PARVA: variants seen among roughly 807,000 people sequenced by gnomAD.
The protein encoded by PARVA is parvin alpha.
Under a neutral mutation model 52.6 loss-of-function variants are expected in PARVA, and 25 were observed. The ratio of observed to expected loss-of-function variants is 0.48; its 90% confidence interval spans 0.35 to 0.66. PARVA has a LOEUF of 0.66. PARVA is among the 30% of genes least tolerant of loss of function. The pLI, the probability that PARVA is intolerant of heterozygous loss-of-function variation, is 0.01. For missense variants in PARVA, 373 were observed against 450.9 expected (o/e 0.83, Z 1.56); for synonymous variants, 185 against 179.1 (o/e 1.03, Z -0.26).
At chr11:12,404,104 CTT>C (rs34339812) in intron 1 of PARVA, among the ~76,000 whole-genome samples, 85 of 148,536 alleles carry the variant, frequency 5.7e-4, no homozygotes, top group Admixed American at 6.7e-4. Context: ...TAATATAGCT[CTT>C]TTTTTTTTTT....
chr11:12,429,617 C>G (rs571821013), intron 1 of PARVA, among the ~76,000 whole-genome samples: 2 of 152,116 alleles, frequency 1.3e-5, no homozygotes, highest in Non-Finnish European at 2.9e-5. Context: ...TGATTTGATG[C>G]GTGGAATTTC....
chr11:12,507,695 G>A (rs1294251440), intron 6 of PARVA, among the ~76,000 whole-genome samples: 1 of 152,096 alleles, frequency 6.6e-6, no homozygotes, highest in African/African-American at 2.4e-5. Context: ...TTCTGCCGAG[G>A]GTGACCACGT....
intron 12 of PARVA, among the ~76,000 whole-genome samples, chr11:12,524,373 G>A (rs1021896974): frequency 6.6e-6 from 1 of 152,170 alleles, no homozygotes; most frequent in South Asian, 2.1e-4. Context: ...ACATAAAAAT[G>A]TCACTTAGTA....
At chr11:12,385,506 A>G (rs979392707) in intron 1 of PARVA, among the ~76,000 whole-genome samples, 6 of 152,210 alleles carry the variant, frequency 3.9e-5, no homozygotes, top group South Asian at 2.1e-4. Context: ...GATGACCCCA[A>G]AGGTTTTGGT....
chr11:12,391,584 G>T (rs1025549528), intron 1 of PARVA, among the ~76,000 whole-genome samples: 17 of 152,186 alleles, frequency 1.1e-4, no homozygotes, highest in Non-Finnish European at 1.9e-4. Flanking sequence ...CAGTTTTCAC[G>T]TGAGTGTGGA....
intron 6 of PARVA, among the ~76,000 whole-genome samples, chr11:12,507,962 G>A (rs1589984829): frequency 6.6e-6 from 1 of 151,300 alleles, no homozygotes; most frequent in East Asian, 2.0e-4. Context: ...GATGGGAGAA[G>A]TGTGGACAGA....
rs137863806 is a variant in PARVA at position 12,476,819 on chromosome 11, A to C, written c.298-1028A>C. On this transcript the variant is annotated intron_variant, in intron 3 of 12. Coordinates refer to ENST00000334956, the MANE Select transcript of PARVA (RefSeq NM_018222.5). ...AGCCTCCAGACTCCAACATCAGCCC[A>C]CCCAGGGATGGCAACGCTGTCTGGC... 2.0e-5 allele frequency among the ~76,000 whole-genome samples: 3 copies of C among 152,248 alleles called. No homozygotes were observed. The East Asian group carries it at 5.8e-4, about 29-fold the overall frequency.
intron 1 of PARVA, among the ~76,000 whole-genome samples, chr11:12,379,763 C>A (rs1478310752): frequency 6.6e-6 from 1 of 152,188 alleles, no homozygotes; most frequent in Non-Finnish European, 1.5e-5. Flanking sequence ...CAAAAACATA[C>A]AAAAGTTTCC....
intron 1 of PARVA, among the ~76,000 whole-genome samples, chr11:12,399,113 A>G (rs12271435): frequency 0.05 from 7,682 of 152,226 alleles, 645 homozygotes; most frequent in African/African-American, 0.18. Flanking sequence ...TCCAAAATCT[A>G]TTTTCCTAAC....
chr11:12,473,938 G>A lies in PARVA; in HGVS notation c.252G>A (p.Val84=). Reference sequence around the variant, plus strand: ...AGGAGAATGAGGTGCGAACAATGGTGGATCCAAACTCACGCAGTGACCCCA... The same window carrying A: ...AGGAGAATGAGGTGCGAACAATGGTAGATCCAAACTCACGCAGTGACCCCA... ...MLEENEVRTM[V]DPNSRSDPKL... The change falls in exon 3 of 13, where the codon GTG becomes GTA. Residue 84 remains valine (V), a synonymous_variant. Coordinates refer to ENST00000334956, the MANE Select transcript of PARVA (RefSeq NM_018222.5). 6.3e-7 allele frequency: 1 copy of A among 1,583,088 alleles called. No homozygotes were observed. Among genetic ancestry groups the A allele is most frequent in the African/African-American group, 1.3e-5 (1 of 74,364 alleles).
chr11:12,521,567 C>CA (rs1277515763), intron 12 of PARVA, among the ~76,000 whole-genome samples: 1 of 152,128 alleles, frequency 6.6e-6, no homozygotes, highest in Non-Finnish European at 1.5e-5. Context: ...CACCCCTGGC[C>CA]AAAAACGTCC....
intron 1 of PARVA, among the ~76,000 whole-genome samples, chr11:12,470,721 C>T (rs143618363): frequency 1.3e-5 from 2 of 152,028 alleles, no homozygotes; most frequent in African/African-American, 2.4e-5. Context: ...GGTGGGAGGG[C>T]GCTAATCAGA....
chr11:12,529,177 G>A lies in PARVA; in HGVS notation c.*1252G>A, dbSNP rs938863011. On this transcript the variant is annotated 3_prime_UTR_variant, in exon 13 of 13. Coordinates refer to ENST00000334956, the MANE Select transcript of PARVA (RefSeq NM_018222.5). ...CCGGCTAATTCAAGCGAGGAAAAAT[G>A]TAAGTCATTTAGACCAAAGCCAAGC... 2.6e-5 allele frequency: 4 copies of A among 152,168 alleles called. No individual in the cohort carries two copies. 9.4% of individuals were successfully genotyped at this position (152,168 alleles called of 1,614,324 possible). A position where few individuals can be genotyped will look rare whatever the true frequency, so the allele number is the denominator to read the frequency against.
At chr11:12,491,733 G>T (rs2135055567) in intron 4 of PARVA, among the ~76,000 whole-genome samples, 1 of 152,188 alleles carries the variant, frequency 6.6e-6, no homozygotes, top group East Asian at 1.9e-4. Flanking sequence ...ATTACTTCAA[G>T]AATTTGACAA....
chr11:12,385,709 A>G (rs114598335), intron 1 of PARVA, among the ~76,000 whole-genome samples: 7,049 of 152,290 alleles, frequency 0.046, 525 homozygotes, highest in African/African-American at 0.16. Context: ...ATGTTCCCAT[A>G]TAATTTTAGT....
chr11:12,462,940 T>G (rs879737106), intron 1 of PARVA, among the ~76,000 whole-genome samples: 1 of 152,164 alleles, frequency 6.6e-6, no homozygotes, highest in Non-Finnish European at 1.5e-5. Flanking sequence ...TCTACAGAGC[T>G]TAGTCAGATA....
chr11:12,379,579 AT>A (rs1278602180), intron 1 of PARVA, among the ~76,000 whole-genome samples: 1 of 152,198 alleles, frequency 6.6e-6, no homozygotes, highest in Non-Finnish European at 1.5e-5. Flanking sequence ...CCCCTAAAAA[AT>A]GTTTTTAATA....
chr11:12,507,354 G>A (rs1941442953), intron 6 of PARVA, among the ~76,000 whole-genome samples: 1 of 152,138 alleles, frequency 6.6e-6, no homozygotes, highest in Non-Finnish European at 1.5e-5. Flanking sequence ...TGGTGGTGGA[G>A]GGACGTAGTA....
At chr11:12,393,658 C>T (rs1939695008) in intron 1 of PARVA, among the ~76,000 whole-genome samples, 1 of 152,122 alleles carries the variant, frequency 6.6e-6, no homozygotes, top group African/African-American at 2.4e-5. Context: ...TGGCGTATGT[C>T]ACATCTGCCA....
Sources: gnomAD v4.1 joint callset for allele counts (sites outside exome capture counted in the v4.1 genomes callset) on GRCh38, gnomAD v4.1.1 for gene constraint, MANE v1.5 for transcripts, NCBI Gene and HGNC (gene_info 2026-07-23, HGNC 2026-07-21) for gene names.